The following TRPC6 variants were observed in gnomAD, a reference collection of about 807,000 sequenced individuals.
TRPC6 encodes short transient receptor potential channel 6.
A neutral mutation model predicts 90.7 loss-of-function variants in TRPC6; 55 were observed. That is an observed-to-expected ratio of 0.61 (90% CI 0.49 to 0.76). The LOEUF (loss-of-function observed/expected upper bound fraction) is 0.76, where lower values mean the gene tolerates loss of function less well. TRPC6 is among the 30% of genes least tolerant of loss of function. The probability of loss-of-function intolerance (pLI) is 0.00; values close to 1 mark genes in which losing one functional copy is unlikely to be tolerated. For missense variants in TRPC6, 989 were observed against 1,122.7 expected, an observed-to-expected ratio of 0.88 and a Z score of 1.70; for synonymous variants, 393 against 393.0, an observed-to-expected ratio of 1.00 and a Z score of 0.00.
chr11:101,559,183 T>C (rs1861655484), intron 1 of TRPC6, among the ~76,000 whole-genome samples: 1 of 151,968 alleles, frequency 6.6e-6, no homozygotes. Context: ...ACACAGATAA[T>C]AAATGAGCAA....
chr11:101,577,482 G>A (rs1017671864), intron 1 of TRPC6, among the ~76,000 whole-genome samples: 2 of 152,154 alleles, frequency 1.3e-5, no homozygotes, highest in African/African-American at 4.8e-5. Context: ...CATATCTAAT[G>A]TCAATCATCT....
intron 1 of TRPC6, among the ~76,000 whole-genome samples, chr11:101,536,258 A>C (rs897374444): frequency 6.6e-6 from 1 of 152,136 alleles, no homozygotes; most frequent in African/African-American, 2.4e-5. Flanking sequence ...TTGGTGGTTC[A>C]TGCCTGTAAT....
chr11:101,454,939 A>G, intron 11 of TRPC6, 79 bp downstream of exon 11: 2 of 1,110,680 alleles, frequency 1.8e-6, no homozygotes, highest in South Asian at 2.8e-5. Context: ...AAATATCCTG[A>G]TACTTTAAAG....
intron 2 of TRPC6, among the ~76,000 whole-genome samples, chr11:101,500,416 G>A (rs1236117058): frequency 6.6e-6 from 1 of 151,774 alleles, no homozygotes; most frequent in African/African-American, 2.4e-5. Context: ...CACCATGTTG[G>A]TCAGACTGGT....
rs774569094 is a variant in TRPC6 at position 101,472,121 on chromosome 11, T to A, written c.2205+16A>T. ...AACATGAAGGCACAAATTATAAAAA[T>A]GTATTGAGATTATACCTCAATTTCC... On this transcript the variant is annotated intron_variant, in intron 8 of 12. Coordinates refer to ENST00000344327, the MANE Select transcript of TRPC6 (RefSeq NM_004621.6). 1 of 1,608,348 alleles carries A rather than the reference T, an allele frequency of 6.2e-7. No individual in the cohort carries two copies. The highest frequency in any genetic ancestry group is 8.5e-7 in the Non-Finnish European group (1 of 1,177,124).
rs1370225354 is a variant in TRPC6 at position 101,503,909 on chromosome 11, T to C, written c.945+115A>G. 58 of 1,303,648 alleles carry C rather than the reference T, an allele frequency of 4.4e-5. No homozygotes were observed. The East Asian group carries it at 1.2e-3, about 27-fold the overall frequency. 80.8% of individuals were successfully genotyped at this position (1,303,648 alleles called of 1,614,324 possible). ...ATAAAGAGCTTGTTGAATAAACTTA[T>C]AAAATGACCTAGTGTCCACAGTAAC... On this transcript the variant is annotated intron_variant, in intron 2 of 12. Transcript: ENST00000344327.
At chr11:101,518,934 A>C (rs1314803638) in intron 1 of TRPC6, among the ~76,000 whole-genome samples, 1 of 152,222 alleles carries the variant, frequency 6.6e-6, no homozygotes, top group African/African-American at 2.4e-5. Flanking sequence ...GAAATAAGCC[A>C]GGTACGGAAA....
intron 1 of TRPC6, among the ~76,000 whole-genome samples, chr11:101,567,442 A>C (rs1235362313): frequency 1.3e-5 from 2 of 152,134 alleles, no homozygotes; most frequent in Non-Finnish European, 2.9e-5. Context: ...GCACAGCTTC[A>C]GCAGACTTAA....
At chr11:101,577,542 T>C (rs1862096094) in intron 1 of TRPC6, among the ~76,000 whole-genome samples, 1 of 152,134 alleles carries the variant, frequency 6.6e-6, no homozygotes, top group Admixed American at 6.5e-5. Context: ...AAATAGATAT[T>C]ACACCAAAGA....
intron 2 of TRPC6, among the ~76,000 whole-genome samples, chr11:101,501,263 ATT>A (rs68106103): frequency 0.46 from 68,326 of 148,474 alleles, 16,719 homozygotes; most frequent in African/African-American, 0.57. Flanking sequence ...ATTTAAAAAG[ATT>A]TTAAAAAAAA....
chr11:101,534,162 G>C (rs1860978964), intron 1 of TRPC6, among the ~76,000 whole-genome samples: 1 of 151,880 alleles, frequency 6.6e-6, no homozygotes, highest in Non-Finnish European at 1.5e-5. Flanking sequence ...TTCTGATGGA[G>C]TCTTGCTCTG....
At chr11:101,466,774 A>G (rs1859155812) in intron 10 of TRPC6, among the ~76,000 whole-genome samples, 1 of 152,054 alleles carries the variant, frequency 6.6e-6, no homozygotes, top group Admixed American at 6.6e-5. Flanking sequence ...CAAACAAACA[A>G]AAAAAACTCC....
intron 10 of TRPC6, among the ~76,000 whole-genome samples, chr11:101,459,259 A>C (rs377506762): frequency 9.8e-5 from 15 of 152,322 alleles, no homozygotes; most frequent in African/African-American, 3.6e-4. Flanking sequence ...GAACGGGAGA[A>C]GGCGGAGAAA....
chr11:101,494,879 C>T (rs1010744603), intron 2 of TRPC6, among the ~76,000 whole-genome samples: 2 of 152,180 alleles, frequency 1.3e-5, no homozygotes, highest in African/African-American at 4.8e-5. Flanking sequence ...CAGAAATACA[C>T]ACTTTTTCTA....
chr11:101,543,614 A>G (rs1342594241), intron 1 of TRPC6, among the ~76,000 whole-genome samples: 2 of 152,180 alleles, frequency 1.3e-5, no homozygotes, highest in African/African-American at 2.4e-5. Context: ...GACAAACCTG[A>G]CAAAAACAAG....
intron 1 of TRPC6, among the ~76,000 whole-genome samples, chr11:101,561,810 TAG>T (rs1861721484): frequency 6.6e-6 from 1 of 151,002 alleles, no homozygotes; most frequent in Admixed American, 6.6e-5. Context: ...GTAATATAGA[TAG>T]AAAGACATTA....
rs182418612 is a variant in TRPC6 at position 101,521,208 on chromosome 11, C to T, written c.171-16410G>A. ...GAGGACTAGGAGGGAAGAATGGTTT[C>T]GTAGGCCAGGCCCAGGACCCAGCTT... On this transcript the variant is annotated intron_variant, in intron 1 of 12. Coordinates refer to ENST00000344327, the MANE Select transcript of TRPC6 (RefSeq NM_004621.6). Among the ~76,000 whole-genome samples, 20 of 151,254 alleles carry T rather than the reference C, an allele frequency of 1.3e-4. No homozygotes were observed. The East Asian group carries it at 3.1e-3, about 24-fold the overall frequency.
intron 1 of TRPC6, among the ~76,000 whole-genome samples, chr11:101,551,326 C>A (rs1288459368): frequency 4.6e-5 from 7 of 151,932 alleles, no homozygotes; most frequent in Non-Finnish European, 8.8e-5. Context: ...AAAGAATAAA[C>A]AGTATTGATG....
At chr11:101,568,228 A>G (rs528342509) in intron 1 of TRPC6, among the ~76,000 whole-genome samples, 7 of 152,346 alleles carry the variant, frequency 4.6e-5, no homozygotes, top group African/African-American at 1.7e-4. Flanking sequence ...AGCATGCACA[A>G]GTATCATACA....
Sources: gnomAD v4.1 joint callset for allele counts (sites outside exome capture counted in the v4.1 genomes callset) on GRCh38, gnomAD v4.1.1 for gene constraint, MANE v1.5 for transcripts, NCBI Gene and HGNC (gene_info 2026-07-23, HGNC 2026-07-21) for gene names.